The following ENTREP2 variants were observed in gnomAD, a reference collection of about 807,000 sequenced individuals.
The protein encoded by ENTREP2 is endosomal transmembrane epsin interactor 2.
chr15:29,346,758 CT>C, the ENTREP2 span, among the ~76,000 whole-genome samples: 1 of 152,062 alleles, frequency 6.6e-6, no homozygotes, highest in Non-Finnish European at 1.5e-5. Flanking sequence ...AGTGAGTTTT[CT>C]TTTTTTAAAT....
the ENTREP2 span, among the ~76,000 whole-genome samples, chr15:29,398,875 G>C: frequency 6.6e-6 from 1 of 152,202 alleles, no homozygotes; most frequent in African/African-American, 2.4e-5. Flanking sequence ...ATATGTATGT[G>C]ATTAGGTTAC....
chr15:29,503,015 T>C, the ENTREP2 span, among the ~76,000 whole-genome samples: 1 of 152,056 alleles, frequency 6.6e-6, no homozygotes, highest in South Asian at 2.1e-4. Context: ...GATAGGAATG[T>C]AAAATGTTGC....
the ENTREP2 span, among the ~76,000 whole-genome samples, chr15:29,172,052 T>TA: frequency 4.3e-3 from 656 of 152,248 alleles, 2 homozygotes; most frequent in African/African-American, 0.015. Flanking sequence ...CAAAGAGTAT[T>TA]AGAGTGTTTT....
chr15:29,621,448 A>G, the ENTREP2 span, among the ~76,000 whole-genome samples: 3 of 138,756 alleles, frequency 2.2e-5, no homozygotes, highest in African/African-American at 5.4e-5. Context: ...GCGTGAACCC[A>G]GGAGGCGGAG....
chr15:29,477,239 G>A, the ENTREP2 span, among the ~76,000 whole-genome samples: 1 of 151,992 alleles, frequency 6.6e-6, no homozygotes, highest in Admixed American at 6.6e-5. Context: ...CAGAAGAAAG[G>A]TTCACCTTTG....
chr15:29,644,365 T>C, the ENTREP2 span, among the ~76,000 whole-genome samples: 3 of 152,198 alleles, frequency 2.0e-5, no homozygotes, highest in East Asian at 5.8e-4. Context: ...TATGAATATA[T>C]ACTAAAGGCC....
chr15:29,485,572 G>A, the ENTREP2 span, among the ~76,000 whole-genome samples: 914 of 152,272 alleles, frequency 6.0e-3, 11 homozygotes, highest in African/African-American at 0.019. Flanking sequence ...TGAGGCACAC[G>A]GTAGAGTGCC....
At chr15:29,202,458 C>T in the ENTREP2 span, among the ~76,000 whole-genome samples, 10 of 151,882 alleles carry the variant, frequency 6.6e-5, no homozygotes, top group Non-Finnish European at 1.3e-4. Flanking sequence ...TCACAAATCA[C>T]CTCCCATTTT....
At chr15:29,225,255 G>A in the ENTREP2 span, among the ~76,000 whole-genome samples, 2 of 152,268 alleles carry the variant, frequency 1.3e-5, no homozygotes, top group African/African-American at 2.4e-5. Flanking sequence ...CCAAGGCCGA[G>A]GAGGCGCCCA....
At chr15:29,186,300 G>A in the ENTREP2 span, among the ~76,000 whole-genome samples, 2 of 152,164 alleles carry the variant, frequency 1.3e-5, no homozygotes, top group African/African-American at 2.4e-5. Flanking sequence ...AATGTGCTCC[G>A]AACTGTGGGT....
At chr15:29,171,721 A>C in the ENTREP2 span, among the ~76,000 whole-genome samples, 21 of 152,166 alleles carry the variant, frequency 1.4e-4, no homozygotes, top group African/African-American at 4.6e-4. Flanking sequence ...AATAACAATG[A>C]TCCACGAGCT....
chr15:29,641,487 C>A, the ENTREP2 span, among the ~76,000 whole-genome samples: 1 of 152,022 alleles, frequency 6.6e-6, no homozygotes. Flanking sequence ...AGATCAATAT[C>A]AAAAAATCAG....
the ENTREP2 span, among the ~76,000 whole-genome samples, chr15:29,246,973 GCACACACACACA>G: frequency 1.6e-4 from 22 of 137,094 alleles, no homozygotes; most frequent in Admixed American, 6.7e-4. Context: ...GACTGGAAAG[GCACACACACACA>G]CACACACACA....
chr15:29,286,447 C>A, the ENTREP2 span, among the ~76,000 whole-genome samples: 37 of 152,330 alleles, frequency 2.4e-4, no homozygotes, highest in African/African-American at 8.9e-4. Context: ...CAATCTCCCC[C>A]CTACATGCCC....
the ENTREP2 span, among the ~76,000 whole-genome samples, chr15:29,144,598 C>G: frequency 6.6e-6 from 1 of 152,060 alleles, no homozygotes; most frequent in Non-Finnish European, 1.5e-5. Context: ...GGCATGGTGA[C>G]GTGTGCCTGT....
the ENTREP2 span, among the ~76,000 whole-genome samples, chr15:29,627,743 G>C: frequency 6.6e-6 from 1 of 152,074 alleles, no homozygotes; most frequent in African/African-American, 2.4e-5. Context: ...CATACACTTT[G>C]CCTTTTTGAG....
At chr15:29,407,270 A>T in the ENTREP2 span, among the ~76,000 whole-genome samples, 1 of 152,304 alleles carries the variant, frequency 6.6e-6, no homozygotes, top group East Asian at 1.9e-4. Context: ...TATTTAACAC[A>T]TCTCAACATA....
chr15:29,575,017 C>A, the ENTREP2 span, among the ~76,000 whole-genome samples: 1 of 152,122 alleles, frequency 6.6e-6, no homozygotes, highest in Non-Finnish European at 1.5e-5. Flanking sequence ...AGAAGGAATG[C>A]GGAGAGGTGT....
chr15:29,359,224 C>T, the ENTREP2 span, among the ~76,000 whole-genome samples: 1 of 152,120 alleles, frequency 6.6e-6, no homozygotes, highest in African/African-American at 2.4e-5. Flanking sequence ...CAGGGCAGAA[C>T]ACGAAGGAGT....
Sources: allele counts gnomAD v4.1 joint callset (sites outside exome capture counted in the v4.1 genomes callset), GRCh38; gene constraint gnomAD v4.1.1; transcripts MANE v1.5; gene names NCBI Gene and HGNC (gene_info 2026-07-23, HGNC 2026-07-21).